Variants in PTPRT observed in about 807,000 individuals in gnomAD.
PTPRT encodes receptor-type tyrosine-protein phosphatase T.
A neutral mutation model predicts 176.8 loss-of-function variants in PTPRT; 56 were observed. That is an observed-to-expected ratio of 0.32 (90% CI 0.26 to 0.40). The LOEUF is 0.40. Among genes scored for constraint, PTPRT ranks in the 10% least tolerant of loss-of-function variants. The pLI is 1.00. For synonymous variants in PTPRT, 783 were observed against 739.0 expected (o/e 1.06, Z -0.96); for missense variants, 1,540 against 1,908.2 (o/e 0.81, Z 3.60).
At chr20:42,089,646 A>G (rs1029082637) in intron 27 of PTPRT, among the ~76,000 whole-genome samples, 13 of 152,000 alleles carry the variant, frequency 8.6e-5, no homozygotes, top group Admixed American at 3.3e-4. Context: ...CTAATCCTAA[A>G]TCAGAGTCAT....
intron 6 of PTPRT, among the ~76,000 whole-genome samples, chr20:42,717,457 G>A (rs1255621519): frequency 1.3e-5 from 2 of 152,048 alleles, no homozygotes; most frequent in Non-Finnish European, 2.9e-5. Context: ...TATCCATACA[G>A]ACAGAATCAA....
At chr20:42,822,389 GA>G (rs1377897567) in intron 2 of PTPRT, among the ~76,000 whole-genome samples, 2 of 151,984 alleles carry the variant, frequency 1.3e-5, no homozygotes, top group Admixed American at 1.3e-4. Context: ...ATACCTTATA[GA>G]AAAATTATCT....
intron 8 of PTPRT, among the ~76,000 whole-genome samples, chr20:42,457,972 C>T (rs2070952563): frequency 6.6e-6 from 1 of 152,152 alleles, no homozygotes; most frequent in Admixed American, 6.5e-5. Flanking sequence ...TCCCCACTCC[C>T]ATCCACCAGC....
intron 9 of PTPRT, among the ~76,000 whole-genome samples, chr20:42,357,597 A>C (rs2058374919): frequency 6.6e-6 from 1 of 152,188 alleles, no homozygotes; most frequent in Non-Finnish European, 1.5e-5. Flanking sequence ...GGAAGGCTCC[A>C]GAATGTCCAT....
At chr20:42,972,668 TCA>T (rs1491280760) in intron 1 of PTPRT, among the ~76,000 whole-genome samples, 1 of 30,844 alleles carries the variant, frequency 3.2e-5, no homozygotes, top group Non-Finnish European at 6.6e-5. Flanking sequence ...AGACTCCGTC[TCA>T]AAAAGCAAAA....
chr20:43,111,128 CA>C (rs747652749), intron 1 of PTPRT, among the ~76,000 whole-genome samples: 3 of 152,108 alleles, frequency 2.0e-5, no homozygotes, highest in South Asian at 2.1e-4. Flanking sequence ...ACAAGCAGCC[CA>C]AGGTGCAGGT....
At chr20:42,389,099 G>A (rs2058773805) in intron 9 of PTPRT, among the ~76,000 whole-genome samples, 2 of 147,038 alleles carry the variant, frequency 1.4e-5, no homozygotes, top group South Asian at 4.6e-4. Flanking sequence ...ACACAGGAAG[G>A]GGAACATCAC....
intron 1 of PTPRT, among the ~76,000 whole-genome samples, chr20:43,164,590 A>C (rs1395730180): frequency 6.6e-6 from 1 of 152,204 alleles, no homozygotes; most frequent in Non-Finnish European, 1.5e-5. Context: ...GAAGAGAAAA[A>C]AAGGCCAAGG....
chr20:43,086,451 A>C (rs906381985), intron 1 of PTPRT, among the ~76,000 whole-genome samples: 2 of 152,240 alleles, frequency 1.3e-5, no homozygotes, highest in Non-Finnish European at 2.9e-5. Context: ...GATCACACGT[A>C]CTGTGTTGAA....
chr20:42,224,917 C>G (rs1406347519), intron 15 of PTPRT, among the ~76,000 whole-genome samples: 1 of 152,194 alleles, frequency 6.6e-6, no homozygotes, highest in Non-Finnish European at 1.5e-5. Flanking sequence ...GCCTGTCCCC[C>G]AGCCCTTATA....
At chr20:42,536,731 G>C (rs1170717907) in intron 7 of PTPRT, among the ~76,000 whole-genome samples, 1 of 152,074 alleles carries the variant, frequency 6.6e-6, no homozygotes, top group African/African-American at 2.4e-5. Flanking sequence ...GCCATTTTTG[G>C]CTCATTAGAC....
At chr20:42,300,590 C>T (rs1460806166) in intron 12 of PTPRT, among the ~76,000 whole-genome samples, 1 of 151,454 alleles carries the variant, frequency 6.6e-6, no homozygotes, top group Non-Finnish European at 1.5e-5. Context: ...TGAAGTATAA[C>T]CAACTGAATA....
chr20:42,365,164 T>C (rs1193792628), intron 9 of PTPRT, among the ~76,000 whole-genome samples: 1 of 152,208 alleles, frequency 6.6e-6, no homozygotes, highest in East Asian at 1.9e-4. Flanking sequence ...ATATTTTACA[T>C]TCTCTTTTCC....
intron 1 of PTPRT, among the ~76,000 whole-genome samples, chr20:43,152,344 T>C (rs1310612230): frequency 1.3e-5 from 2 of 152,236 alleles, no homozygotes; most frequent in Non-Finnish European, 2.9e-5. Flanking sequence ...CTTGTATTAC[T>C]TGTTTAAAAT....
At chr20:42,832,580 A>T (rs992649862) in intron 2 of PTPRT, among the ~76,000 whole-genome samples, 20 of 152,052 alleles carry the variant, frequency 1.3e-4, no homozygotes, top group African/African-American at 4.6e-4. Context: ...AGATGCTGTA[A>T]AAAAGGATCA....
rs538278211 is a variant in PTPRT at position 43,156,415 on chromosome 20, A to G, written c.88+33231T>C. Reference sequence around the variant, plus strand: ...AAGGAGACTGGAATCTAGGGCTCTGAGCTCAAAGAGCTAAAATGACTGATG... The same window carrying G: ...AAGGAGACTGGAATCTAGGGCTCTGGGCTCAAAGAGCTAAAATGACTGATG... On this transcript the variant is annotated intron_variant, in intron 1 of 30. Transcript: ENST00000373187. 2.2e-4 allele frequency among the ~76,000 whole-genome samples: 34 copies of G among 152,314 alleles called. 2 individuals are homozygous for G. In the East Asian group the frequency reaches 3.3e-3, roughly 15 times the overall value.
chr20:42,870,141 C>T (rs1304532306), intron 2 of PTPRT, among the ~76,000 whole-genome samples: 3 of 152,122 alleles, frequency 2.0e-5, no homozygotes, highest in Non-Finnish European at 2.9e-5. Context: ...GTCTAAGACA[C>T]CACTGAACAA....
intron 13 of PTPRT, among the ~76,000 whole-genome samples, chr20:42,257,633 A>ACCC (rs2056665645): frequency 4.1e-4 from 5 of 12,270 alleles, no homozygotes; most frequent in African/African-American, 9.3e-4. Flanking sequence ...AGTGTGTAGC[A>ACCC]CCTCCCCCCA....
intron 1 of PTPRT, among the ~76,000 whole-genome samples, chr20:43,089,813 C>G (rs1840683764): frequency 6.6e-6 from 1 of 152,204 alleles, no homozygotes. Context: ...CCCCCAAGAG[C>G]AGCAAATGAA....
Sources: gnomAD v4.1 joint callset for allele counts (sites outside exome capture counted in the v4.1 genomes callset) on GRCh38, gnomAD v4.1.1 for gene constraint, MANE v1.5 for transcripts, NCBI Gene and HGNC (gene_info 2026-07-23, HGNC 2026-07-21) for gene names.